The following TBC1D8 variants were observed in gnomAD, a reference collection of about 807,000 sequenced individuals.
TBC1D8 encodes the protein BUB2-like protein 1.
A neutral mutation model predicts 118.8 loss-of-function variants in TBC1D8; 65 were observed. The ratio of observed to expected loss-of-function variants is 0.55; its 90% confidence interval spans 0.45 to 0.67. TBC1D8 has a LOEUF of 0.67. TBC1D8 is among the 30% of genes least tolerant of loss of function. The probability of loss-of-function intolerance (pLI) is 0.00; values close to 1 mark genes in which losing one functional copy is unlikely to be tolerated. For missense variants in TBC1D8, 1,376 were observed against 1,471.2 expected, an observed-to-expected ratio of 0.94 and a Z score of 1.06; for synonymous variants, 566 against 595.8, an observed-to-expected ratio of 0.95 and a Z score of 0.73.
chr2:101,100,675 T>C (rs1676768080), intron 1 of TBC1D8, among the ~76,000 whole-genome samples: 1 of 152,186 alleles, frequency 6.6e-6, no homozygotes, highest in Non-Finnish European at 1.5e-5. Context: ...AGCATGGTAC[T>C]GGTACCAAAA....
At chr2:101,077,169 G>A (rs1674892234) in intron 2 of TBC1D8, among the ~76,000 whole-genome samples, 1 of 151,228 alleles carries the variant, frequency 6.6e-6, no homozygotes, top group African/African-American at 2.4e-5. Context: ...GACTACAGGT[G>A]CCCACCACCA....
At chr2:101,011,726 G>C (rs928320173) in intron 17 of TBC1D8, among the ~76,000 whole-genome samples, 186 bp from the exon 18 acceptor site, 9 of 152,130 alleles carry the variant, frequency 5.9e-5, no homozygotes, top group Admixed American at 5.9e-4. Context: ...AAAATAAAAT[G>C]TCCCCCACAC....
intron 5 of TBC1D8, among the ~76,000 whole-genome samples, chr2:101,042,965 T>C (rs546611094): frequency 6.6e-6 from 1 of 152,342 alleles, no homozygotes; most frequent in East Asian, 1.9e-4. Flanking sequence ...ACGCCTTTTC[T>C]GCAGCCCTTT....
intron 2 of TBC1D8, among the ~76,000 whole-genome samples, chr2:101,080,968 G>A (rs1296928010): frequency 6.6e-6 from 1 of 151,958 alleles, no homozygotes; most frequent in Non-Finnish European, 1.5e-5. Context: ...TAGAGATGGG[G>A]TCTCACTGTG....
intron 1 of TBC1D8, among the ~76,000 whole-genome samples, chr2:101,103,635 G>C (rs1164111291): frequency 1.3e-5 from 2 of 151,848 alleles, no homozygotes; most frequent in African/African-American, 2.4e-5. Flanking sequence ...CTCATGATCC[G>C]CCCGCCTTGG....
At chr2:101,126,141 T>TA (rs1214694194) in intron 1 of TBC1D8, among the ~76,000 whole-genome samples, 1 of 152,112 alleles carries the variant, frequency 6.6e-6, no homozygotes, top group East Asian at 1.9e-4. Context: ...GGAGCTGGCA[T>TA]ATACAGAGAG....
At position 101,138,985 on chromosome 2, in the gene TBC1D8, T is replaced by C. The variant is rs966048211; in HGVS notation, c.127+12142A>G. 7.2e-5 allele frequency among the ~76,000 whole-genome samples: 11 copies of C among 151,862 alleles called. No individual in the cohort carries two copies. The East Asian group carries it at 2.1e-3, about 29-fold the overall frequency. ...AAGATGCTCCCATCACCCAGGAAAT[T>C]CCAAAGGATTAGGAGCTCTGTGCCA... On this transcript the variant is annotated intron_variant, in intron 1 of 19. Coordinates refer to ENST00000409318, the MANE Select transcript of TBC1D8 (RefSeq NM_001330348.2).
chr2:101,066,145 G>A (rs1382548678), intron 2 of TBC1D8, among the ~76,000 whole-genome samples: 4 of 152,068 alleles, frequency 2.6e-5, no homozygotes, highest in Admixed American at 6.5e-5. Context: ...TTAGTTGGGT[G>A]TGGTGGCGGG....
At chr2:101,061,446 G>A (rs768814381) in intron 2 of TBC1D8, among the ~76,000 whole-genome samples, 1 of 152,168 alleles carries the variant, frequency 6.6e-6, no homozygotes, top group Non-Finnish European at 1.5e-5. Flanking sequence ...TATTTCATAA[G>A]GAATAATGAA....
chr2:101,036,104 C>A lies in TBC1D8; in HGVS notation c.1517G>T (p.Cys506Phe). ...DHFVEYGRTV[C>F]MFRTEKIRKL... The stretch of plus-strand genomic sequence containing the variant: ...CCGAATCTTCTCTGTGCGAAACATA[C>A]ACACGGTTCTGCCGTATTCCACAAA... Residue 506 changes from cysteine to phenylalanine, a missense_variant, in exon 9 of 20, where the codon TGT becomes TTT. Physicochemically the swap from Cys to Phe is radical, Grantham distance 205. Coordinates refer to ENST00000409318, the MANE Select transcript of TBC1D8 (RefSeq NM_001330348.2). 1.2e-6 allele frequency: 2 copies of A among 1,614,022 alleles called. No homozygotes were observed. Among genetic ancestry groups the A allele is most frequent in the Non-Finnish European group, 1.7e-6 (2 of 1,179,896 alleles).
chr2:101,137,146 C>T (rs1402287809), intron 1 of TBC1D8, among the ~76,000 whole-genome samples: 3 of 151,614 alleles, frequency 2.0e-5, no homozygotes, highest in Non-Finnish European at 4.4e-5. Flanking sequence ...GATTCTACTG[C>T]CTCAGCCTCC....
intron 5 of TBC1D8, among the ~76,000 whole-genome samples, chr2:101,045,689 G>A (rs942194545): frequency 1.3e-5 from 2 of 152,168 alleles, no homozygotes; most frequent in Non-Finnish European, 2.9e-5. Flanking sequence ...GTGGCTCTAC[G>A]TGATGTGCTC....
intron 17 of TBC1D8, chr2:101,017,760 G>T: frequency 7.4e-7 from 1 of 1,346,838 alleles, no homozygotes; most frequent in South Asian, 1.3e-5. Flanking sequence ...TGACAAAAAG[G>T]ATAAGATGTT....
intron 3 of TBC1D8, 96 bp from the exon 4 acceptor site, chr2:101,054,432 G>A (rs947729304): frequency 3.6e-5 from 45 of 1,263,084 alleles, no homozygotes; most frequent in Non-Finnish European, 4.7e-5. Flanking sequence ...AGGTGCACAG[G>A]CCCCCGAGAA....
intron 4 of TBC1D8, among the ~76,000 whole-genome samples, chr2:101,050,958 G>A (rs1403788403): frequency 2.0e-5 from 3 of 152,150 alleles, no homozygotes; most frequent in African/African-American, 7.2e-5. Context: ...TCCCCTGTAT[G>A]TGTCCATGGG....
At chr2:101,010,779 G>A (rs1268387637) in intron 19 of TBC1D8, 150 bp downstream of exon 19, 5 of 607,444 alleles carry the variant, frequency 8.2e-6, no homozygotes, top group Non-Finnish European at 1.4e-5. Context: ...CTACTCAGGA[G>A]GCTGAGGCAG....
In TBC1D8 at chr2:101,151,184, A is replaced by C; in HGVS notation, c.70T>G (p.Cys24Gly). ...LKLWVTQKSS[C>G]YFILQRRRGH... ...CGGCGCCGCTGCAGGATGAAGTAGC[A>C]GCTGCTCTTCTGGGTCACCCAGAGC... Residue 24 changes from cysteine (C) to glycine (G), a missense_variant, in exon 1 of 20, where the codon TGC (cysteine) becomes GGC (glycine). Coordinates refer to ENST00000409318, the MANE Select transcript of TBC1D8 (RefSeq NM_001330348.2). 2.4e-6 allele frequency: 3 copies of C among 1,251,400 alleles called. No individual in the cohort carries two copies. Among genetic ancestry groups the C allele is most frequent in the Non-Finnish European group, 2.1e-6 (2 of 972,040 alleles). The allele number at this position is 1,251,400 out of a possible 1,614,324, so 77.5% of individuals were successfully genotyped here.
chr2:101,150,998 G>C, intron 1 of TBC1D8, 129 bp downstream of exon 1: 1 of 643,448 alleles, frequency 1.6e-6, no homozygotes, highest in Non-Finnish European at 1.9e-6. Flanking sequence ...GCCCGCGGCA[G>C]GGCCGTCCGG....
chr2:101,110,721 A>C (rs1320506044), intron 1 of TBC1D8, among the ~76,000 whole-genome samples: 1 of 152,170 alleles, frequency 6.6e-6, no homozygotes, highest in Non-Finnish European at 1.5e-5. Flanking sequence ...TCACATCTGT[A>C]ATCCCAGCAC....
Sources: gnomAD v4.1 joint callset for allele counts (sites outside exome capture counted in the v4.1 genomes callset) on GRCh38, gnomAD v4.1.1 for gene constraint, MANE v1.5 for transcripts, NCBI Gene and HGNC (gene_info 2026-07-23, HGNC 2026-07-21) for gene names.